MAPK6: variants seen among roughly 807,000 people sequenced by gnomAD.
MAPK6 encodes the protein mitogen-activated protein kinase 6.
In MAPK6, 19 loss-of-function variants were observed where a neutral mutation model predicts 59.3. The observed-to-expected ratio is 0.32, with a 90% confidence interval of 0.22 to 0.47. The LOEUF (loss-of-function observed/expected upper bound fraction) is 0.47. MAPK6 is among the 20% of genes least tolerant of loss of function. The pLI is 1.00. For synonymous variants in MAPK6, 316 were observed against 290.3 expected, an observed-to-expected ratio of 1.09 and a Z score of -0.90; for missense variants, 724 against 847.9, an observed-to-expected ratio of 0.85 and a Z score of 1.81.
intron 5 of MAPK6, among the ~76,000 whole-genome samples, chr15:52,062,905 G>A (rs974055298): frequency 6.6e-6 from 1 of 152,270 alleles, no homozygotes; most frequent in Admixed American, 6.5e-5. Flanking sequence ...TGATTTTGAT[G>A]TATGGCCAAG....
Position 52,065,826 on chromosome 15 carries a change from GTACT to G in MAPK6, c.*829_*832del, listed in dbSNP as rs1566917478. ...GTCAGCTTATCCTAAGGCTGTCCAC[GTACT>G]TAATTTACTTAAGTGTTCATTTTAA... On this transcript the variant is annotated 3_prime_UTR_variant, in exon 6 of 6. Transcript: ENST00000261845. The G allele has an allele frequency of 6.6e-6, 1 of 152,476 alleles. No individual in the cohort carries two copies. Among genetic ancestry groups the G allele is most frequent in the Non-Finnish European group, 1.5e-5 (1 of 68,014 alleles). The allele number at this position is 152,476 out of a possible 1,614,324, so 9.4% of individuals were successfully genotyped here. A position where few individuals can be genotyped will look rare whatever the true frequency, so the allele number is the denominator to read the frequency against.
At chr15:52,024,214 T>G (rs1252148630) in intron 1 of MAPK6, among the ~76,000 whole-genome samples, 1 of 152,118 alleles carries the variant, frequency 6.6e-6, no homozygotes, top group Non-Finnish European at 1.5e-5. Context: ...CTTGCTTCAT[T>G]CATGTACATC....
chr15:52,020,829 CAT>C (rs1491296291), intron 1 of MAPK6, among the ~76,000 whole-genome samples: 6 of 152,336 alleles, frequency 3.9e-5, no homozygotes, highest in East Asian at 1.9e-4. Flanking sequence ...AGTCATTTCA[CAT>C]ATGTTACATC....
intron 1 of MAPK6, among the ~76,000 whole-genome samples, chr15:52,033,199 G>A (rs2031106545): frequency 6.6e-6 from 1 of 152,186 alleles, no homozygotes; most frequent in Non-Finnish European, 1.5e-5. Flanking sequence ...AGTATTAAGT[G>A]TCAACTTGAT....
At chr15:51,987,056 AC>A (rs1374206181) in intron 2 of MAPK6, among the ~76,000 whole-genome samples, 4 of 152,154 alleles carry the variant, frequency 2.6e-5, no homozygotes, top group Admixed American at 6.6e-5. Flanking sequence ...ATTTATAAAA[AC>A]GTATTACCAT....
chr15:51,992,705 G>A (rs1271499229), intron 2 of MAPK6, among the ~76,000 whole-genome samples: 1 of 152,094 alleles, frequency 6.6e-6, no homozygotes, highest in Non-Finnish European at 1.5e-5. Context: ...CTCTCCTTGG[G>A]TTCAATTAGT....
intron 5 of MAPK6, among the ~76,000 whole-genome samples, chr15:52,063,080 CTTTTT>C (rs756927422): frequency 2.0e-5 from 3 of 152,006 alleles, no homozygotes; most frequent in Admixed American, 6.6e-5. Context: ...TGGTTCTTTT[CTTTTT>C]TGAGACGGAG....
intron 3 of MAPK6, among the ~76,000 whole-genome samples, chr15:52,014,139 C>T (rs2030167804): frequency 6.6e-6 from 1 of 151,820 alleles, no homozygotes; most frequent in Non-Finnish European, 1.5e-5. Flanking sequence ...TCCCTGATGT[C>T]CCCGGTTCTT....
chr15:51,973,432 C>T (rs1314690052), intron 1 of MAPK6, among the ~76,000 whole-genome samples: 4 of 152,032 alleles, frequency 2.6e-5, no homozygotes. Flanking sequence ...GCCTCAAACT[C>T]CTGGCCTCAA....
intron 4 of MAPK6, among the ~76,000 whole-genome samples, chr15:52,060,227 G>A (rs1262679762): frequency 6.6e-6 from 1 of 152,176 alleles, no homozygotes; most frequent in Non-Finnish European, 1.5e-5. Flanking sequence ...CAACCGCAAA[G>A]ATGCTGTGTC....
chr15:52,014,529 T>G (rs1024969725), upstream of MAPK6, among the ~76,000 whole-genome samples: 4 of 151,334 alleles, frequency 2.6e-5, no homozygotes, highest in African/African-American at 9.7e-5. Flanking sequence ...CTGGGCAACA[T>G]AGTGAGACCT....
chr15:52,026,649 C>G (rs565991107), intron 1 of MAPK6, among the ~76,000 whole-genome samples: 1 of 152,116 alleles, frequency 6.6e-6, no homozygotes, highest in Non-Finnish European at 1.5e-5. Context: ...AGGCCTATGT[C>G]CAAATCTTGG....
chr15:52,035,492 T>A (rs1437280483), intron 1 of MAPK6: 1 of 152,220 alleles, frequency 6.6e-6, no homozygotes, highest in Non-Finnish European at 1.5e-5. Context: ...GGTGTGGCGG[T>A]ACACGCCTGT....
chr15:51,977,855 C>G (rs1423837337), intron 1 of MAPK6, among the ~76,000 whole-genome samples: 1 of 151,808 alleles, frequency 6.6e-6, no homozygotes, highest in African/African-American at 2.4e-5. Context: ...CATTTGGATG[C>G]CACCTCAGTG....
chr15:52,044,883 C>T (rs763452248), intron 1 of MAPK6, among the ~76,000 whole-genome samples: 4 of 150,340 alleles, frequency 2.7e-5, no homozygotes, highest in Non-Finnish European at 5.9e-5. Flanking sequence ...CCTTAATCTC[C>T]GGGTAATCAT....
chr15:52,027,242 C>T (rs1284188722), intron 1 of MAPK6, among the ~76,000 whole-genome samples: 3 of 145,196 alleles, frequency 2.1e-5, no homozygotes, highest in Admixed American at 1.5e-4. Flanking sequence ...CCCAGCTACT[C>T]GGGAGGCTGA....
chr15:52,026,447 A>G (rs1422111115), intron 1 of MAPK6, among the ~76,000 whole-genome samples: 1 of 152,030 alleles, frequency 6.6e-6, no homozygotes, highest in African/African-American at 2.4e-5. Flanking sequence ...ATGCACCACC[A>G]CGCCCAGCTA....
intron 5 of MAPK6, 62 bp downstream of exon 5, chr15:52,061,562 G>C (rs1033788025): frequency 8.0e-7 from 1 of 1,251,398 alleles, no homozygotes; most frequent in Non-Finnish European, 1.1e-6. Flanking sequence ...CATATGTAGT[G>C]AGTTTTTTTA....
At chr15:52,053,070 GTTT>G (rs140172832) in intron 3 of MAPK6, among the ~76,000 whole-genome samples, 5 of 125,326 alleles carry the variant, frequency 4.0e-5, no homozygotes, top group Non-Finnish European at 5.0e-5. Flanking sequence ...TCTCATTGTG[GTTT>G]TTTTTTTTTT....
Sources: allele counts gnomAD v4.1 joint callset (sites outside exome capture counted in the v4.1 genomes callset), GRCh38; gene constraint gnomAD v4.1.1; transcripts MANE v1.5; gene names NCBI Gene and HGNC (gene_info 2026-07-23, HGNC 2026-07-21).